The following RBMS3 variants were observed in gnomAD, a reference collection of about 807,000 sequenced individuals.
RBMS3 encodes RNA-binding motif, single-stranded-interacting protein 3.
Under a neutral mutation model 66.8 loss-of-function variants are expected in RBMS3, and 27 were observed. The observed-to-expected ratio is 0.40, with a 90% CI of 0.30 to 0.56. RBMS3 has a LOEUF of 0.56. Among genes scored for constraint, RBMS3 ranks in the 20% least tolerant of loss-of-function variants. RBMS3 has a pLI of 0.40. For synonymous variants in RBMS3, 188 were observed against 183.0 expected, an observed-to-expected ratio of 1.03 and a Z score of -0.22; for missense variants, 513 against 549.5, an observed-to-expected ratio of 0.93 and a Z score of 0.66.
chr3:29,651,017 A>AT (rs923072834), intron 4 of RBMS3, among the ~76,000 whole-genome samples: 1 of 151,772 alleles, frequency 6.6e-6, no homozygotes, highest in Non-Finnish European at 1.5e-5. Context: ...TTAGTTGTTG[A>AT]TTTTTTTTGA....
chr3:29,642,144 C>A (rs2049740769), intron 4 of RBMS3, among the ~76,000 whole-genome samples: 2 of 152,012 alleles, frequency 1.3e-5, no homozygotes, highest in African/African-American at 2.4e-5. Context: ...AAGGTTATAA[C>A]CCGTAGATCT....
At chr3:29,865,277 G>T (rs1241145045) in intron 6 of RBMS3, among the ~76,000 whole-genome samples, 1 of 152,080 alleles carries the variant, frequency 6.6e-6, no homozygotes, top group Non-Finnish European at 1.5e-5. Context: ...CTAAAGAGAA[G>T]TCATACTCTA....
chr3:29,600,103 T>C (rs939746094), intron 4 of RBMS3, among the ~76,000 whole-genome samples: 4 of 152,128 alleles, frequency 2.6e-5, no homozygotes, highest in Admixed American at 2.0e-4. Flanking sequence ...TTACGAATTG[T>C]TGTGGAAATG....
chr3:29,454,052 A>G (rs1004667857), intron 2 of RBMS3, among the ~76,000 whole-genome samples: 4 of 152,212 alleles, frequency 2.6e-5, no homozygotes, highest in Non-Finnish European at 5.9e-5. Flanking sequence ...CCAAAGTGGA[A>G]AAAAAATTTC....
chr3:29,352,000 A>G (rs1303048325), intron 1 of RBMS3, among the ~76,000 whole-genome samples: 2 of 152,206 alleles, frequency 1.3e-5, no homozygotes, highest in East Asian at 3.9e-4. Flanking sequence ...TTCTCCGTGT[A>G]TACCGATTTG....
intron 4 of RBMS3, among the ~76,000 whole-genome samples, chr3:29,657,830 T>C (rs1472707072): frequency 6.6e-6 from 1 of 152,158 alleles, no homozygotes; most frequent in Admixed American, 6.5e-5. Context: ...AAAGAAAAGA[T>C]AAATACACAT....
chr3:29,706,390 A>G (rs2052893905), intron 4 of RBMS3, among the ~76,000 whole-genome samples: 1 of 152,184 alleles, frequency 6.6e-6, no homozygotes, highest in Non-Finnish European at 1.5e-5. Context: ...TATTGTCATG[A>G]TGTCAATCCA....
chr3:29,884,026 C>T (rs928738563), intron 7 of RBMS3, 136 bp from the exon 8 acceptor site: 26 of 689,006 alleles, frequency 3.8e-5, no homozygotes, highest in Middle Eastern at 2.5e-4. Flanking sequence ...TGGCAGTAAG[C>T]ATAGAGATAT....
At chr3:29,593,039 A>G (rs2047810390) in intron 4 of RBMS3, among the ~76,000 whole-genome samples, 1 of 144,692 alleles carries the variant, frequency 6.9e-6, no homozygotes, top group South Asian at 2.5e-4. Flanking sequence ...GGGGGAGGGA[A>G]AGCATTAGGA....
At chr3:29,324,223 A>T (rs2035184897) in intron 1 of RBMS3, among the ~76,000 whole-genome samples, 1 of 152,174 alleles carries the variant, frequency 6.6e-6, no homozygotes, top group African/African-American at 2.4e-5. Flanking sequence ...GGACCCAGTT[A>T]GAACCAGCAG....
chr3:29,620,827 T>C (rs529785951), intron 4 of RBMS3, among the ~76,000 whole-genome samples: 131 of 152,286 alleles, frequency 8.6e-4, no homozygotes, highest in Non-Finnish European at 1.5e-3. Flanking sequence ...AGTTTAGTCT[T>C]TTTAAAAACG....
intron 3 of RBMS3, among the ~76,000 whole-genome samples, chr3:29,563,443 T>A (rs1386252190): frequency 6.6e-6 from 1 of 152,180 alleles, no homozygotes; most frequent in African/African-American, 2.4e-5. Flanking sequence ...TCCAGACATT[T>A]CTGCAGTGGG....
intron 1 of RBMS3, among the ~76,000 whole-genome samples, chr3:29,299,857 T>C (rs934854933): frequency 2.6e-5 from 4 of 151,812 alleles, no homozygotes; most frequent in African/African-American, 7.3e-5. Flanking sequence ...AATCTTCATA[T>C]AGCAGAAAAC....
At chr3:29,954,759 G>A (rs1402312998) in intron 12 of RBMS3, among the ~76,000 whole-genome samples, 1 of 151,824 alleles carries the variant, frequency 6.6e-6, no homozygotes, top group East Asian at 1.9e-4. Flanking sequence ...GTCCAGGCTG[G>A]GTTCTTATTA....
intron 1 of RBMS3, among the ~76,000 whole-genome samples, chr3:29,316,143 A>C (rs1255603546): frequency 6.6e-6 from 1 of 151,744 alleles, no homozygotes; most frequent in African/African-American, 2.4e-5. Flanking sequence ...AGCCATAAAC[A>C]ACTGGTATGG....
intron 3 of RBMS3, among the ~76,000 whole-genome samples, chr3:29,490,547 G>A (rs3773027): frequency 0.17 from 25,691 of 152,024 alleles, 2,967 homozygotes; most frequent in African/African-American, 0.31. Flanking sequence ...GGGAGAAGGT[G>A]TTGGACATGC....
intron 1 of RBMS3, among the ~76,000 whole-genome samples, chr3:29,343,638 G>A (rs951032809): frequency 2.0e-5 from 3 of 152,076 alleles, no homozygotes; most frequent in Admixed American, 6.6e-5. Flanking sequence ...ATTGGAATAC[G>A]ACTTAGGTCT....
intron 8 of RBMS3, among the ~76,000 whole-genome samples, chr3:29,893,579 G>A (rs920944076): frequency 6.6e-6 from 1 of 151,442 alleles, no homozygotes; most frequent in Non-Finnish European, 1.5e-5. Context: ...GGTGCCTCAC[G>A]TGTCATTATG....
chr3:29,485,595 A>G (rs77818870), intron 2 of RBMS3, among the ~76,000 whole-genome samples: 10,717 of 152,240 alleles, frequency 0.07, 577 homozygotes, highest in Middle Eastern at 0.2. Context: ...GCCCACATAG[A>G]AAGAACTATA....
Sources: allele counts gnomAD v4.1 joint callset (sites outside exome capture counted in the v4.1 genomes callset), GRCh38; gene constraint gnomAD v4.1.1; transcripts MANE v1.5; gene names NCBI Gene and HGNC (gene_info 2026-07-23, HGNC 2026-07-21).